Variants in ZC3H12B observed in about 807,000 individuals in gnomAD.
The protein encoded by ZC3H12B is probable ribonuclease ZC3H12B.
A neutral mutation model predicts 43.9 loss-of-function variants in ZC3H12B; 7 were observed. The observed-to-expected ratio is 0.16, with a 90% CI of 0.09 to 0.30. The LOEUF is 0.30. Ranked by LOEUF, ZC3H12B falls within the 10% of genes least tolerant of loss-of-function variation. The probability of loss-of-function intolerance (pLI) is 1.00; values close to 1 mark genes in which losing one functional copy is unlikely to be tolerated. For synonymous variants in ZC3H12B, 222 were observed against 241.7 expected, an observed-to-expected ratio of 0.92 and a Z score of 0.76; for missense variants, 475 against 670.2, an observed-to-expected ratio of 0.71 and a Z score of 3.22.
In ZC3H12B at chrX:65,398,091, A is replaced by T. The variant is rs777235866; in HGVS notation, n.296-502A>T. ...TAACCAAAGAAGTGAATTTTTTTTT[A>T]AATTAAACATGGATGCAAGAAATTA... On this transcript the variant is annotated intron_variant and non_coding_transcript_variant, in intron 2 of 5. Coordinates refer to the ZC3H12B transcript ENST00000617377. Among the ~76,000 whole-genome samples, 257 of 111,857 alleles carry T rather than the reference A, an allele frequency of 2.3e-3. 2 individuals are homozygous for T. The highest frequency in any genetic ancestry group is 7.7e-3 in the African/African-American group (238 of 30,874).
chrX:65,466,849 G>A (rs752786118), intron 3 of ZC3H12B, among the ~76,000 whole-genome samples: 3 of 86,137 alleles, frequency 3.5e-5, no homozygotes, highest in African/African-American at 8.3e-5. Flanking sequence ...TACTTCTTGG[G>A]CATTTGTATT....
chrX:65,383,583 A>G (rs1395356251), intron 2 of ZC3H12B, among the ~76,000 whole-genome samples: 1 of 111,772 alleles, frequency 8.9e-6, no homozygotes, highest in African/African-American at 3.2e-5. Context: ...CAATGGCAAC[A>G]AAAGCCAAAA....
At chrX:65,184,820 C>G in the ZC3H12B span, among the ~76,000 whole-genome samples, 1 of 111,345 alleles carries the variant, frequency 9.0e-6, no homozygotes, top group South Asian at 3.7e-4. Context: ...AACTGTAGCC[C>G]ATCAGCAATA....
At chrX:65,226,512 A>C in the ZC3H12B span, among the ~76,000 whole-genome samples, 2 of 111,782 alleles carry the variant, frequency 1.8e-5, no homozygotes, top group African/African-American at 6.5e-5. Context: ...TAATGACAGT[A>C]TCAAATTCAC....
the ZC3H12B span, among the ~76,000 whole-genome samples, chrX:65,069,048 G>C: frequency 9.1e-6 from 1 of 109,580 alleles, no homozygotes; most frequent in Non-Finnish European, 1.9e-5. Context: ...TGTGATTTTA[G>C]GGATTTTTCT....
At chrX:65,078,119 G>T in the ZC3H12B span, among the ~76,000 whole-genome samples, 5 of 112,029 alleles carry the variant, frequency 4.5e-5, no homozygotes, top group Non-Finnish European at 9.4e-5. Context: ...GTTAGTGGTG[G>T]CAGCATCTAC....
intron 3 of ZC3H12B, among the ~76,000 whole-genome samples, chrX:65,479,449 C>A (rs991537943): frequency 5.6e-5 from 6 of 108,034 alleles, no homozygotes; most frequent in Non-Finnish European, 9.6e-5. Flanking sequence ...CTCACTGTAA[C>A]CTCTGCCTCC....
intron 4 of ZC3H12B, among the ~76,000 whole-genome samples, chrX:65,500,936 G>A (rs1029146009): frequency 9.9e-5 from 11 of 110,716 alleles, no homozygotes; most frequent in African/African-American, 3.6e-4. Flanking sequence ...TAATCTTTAA[G>A]TCACACAGTA....
At chrX:65,197,241 T>C in the ZC3H12B span, among the ~76,000 whole-genome samples, 2 of 111,590 alleles carry the variant, frequency 1.8e-5, no homozygotes, top group East Asian at 5.7e-4. Context: ...AGGCAAAAAA[T>C]GGCACAGGAA....
chrX:65,231,895 G>A, the ZC3H12B span, among the ~76,000 whole-genome samples: 2 of 111,353 alleles, frequency 1.8e-5, no homozygotes, highest in East Asian at 5.6e-4. Flanking sequence ...GGGTCGTAAG[G>A]TGACATACAT....
At chrX:65,261,004 A>G in the ZC3H12B span, among the ~76,000 whole-genome samples, 2 of 112,017 alleles carry the variant, frequency 1.8e-5, no homozygotes, top group African/African-American at 3.2e-5. Flanking sequence ...ATTCAGTAAT[A>G]TTTTCTTTCT....
the ZC3H12B span, among the ~76,000 whole-genome samples, chrX:65,043,833 T>G: frequency 8.9e-6 from 1 of 112,258 alleles, no homozygotes; most frequent in South Asian, 3.6e-4. Flanking sequence ...AATATAAAGT[T>G]GCTACACTTA....
the ZC3H12B span, among the ~76,000 whole-genome samples, chrX:65,249,948 T>A: frequency 4.5e-5 from 5 of 110,317 alleles, no homozygotes; most frequent in Non-Finnish European, 3.8e-5. Context: ...AATTCTTTTT[T>A]TTATTATACC....
At chrX:65,373,369 G>A (rs189243923) in intron 2 of ZC3H12B, among the ~76,000 whole-genome samples, 23 of 111,650 alleles carry the variant, frequency 2.1e-4, no homozygotes. Context: ...AATACCATTT[G>A]ATCCAGCCAT....
the ZC3H12B span, among the ~76,000 whole-genome samples, chrX:65,212,188 T>A: frequency 0.19 from 6,259 of 32,621 alleles, 1,342 homozygotes; most frequent in African/African-American, 0.57. Flanking sequence ...ATATTATATA[T>A]TATATAATAT....
chrX:65,188,204 A>G, the ZC3H12B span, among the ~76,000 whole-genome samples: 2 of 111,138 alleles, frequency 1.8e-5, no homozygotes, highest in Admixed American at 9.7e-5. Flanking sequence ...AAATCTATTC[A>G]TCTGTTGATG....
chrX:65,095,072 A>G, the ZC3H12B span, among the ~76,000 whole-genome samples: 1 of 112,454 alleles, frequency 8.9e-6, no homozygotes, highest in African/African-American at 3.2e-5. Context: ...AATGAAAATT[A>G]CAATTTTGGG....
Position 65,488,740 on chromosome X carries a change from G to A in ZC3H12B, c.-62G>A. ...ACTACAAAAGAATGCCACTGCATGT[G>A]GATTCCAAGCAGGCTAAAAAGAAAA... On this transcript the variant is annotated 5_prime_UTR_variant, in exon 1 of 5. An upstream open reading frame in the 5' UTR gains an earlier in-frame stop. Transcript: ENST00000338957. 9.2e-7 allele frequency: 1 copy of A among 1,091,338 alleles called. No homozygotes were observed. Among genetic ancestry groups the A allele is most frequent in the South Asian group, 2.4e-5 (1 of 42,116 alleles). The allele number at this position is 1,091,338 out of a possible 1,213,427, so 89.9% of individuals were successfully genotyped here.
the ZC3H12B span, among the ~76,000 whole-genome samples, chrX:65,083,604 G>A: frequency 9.0e-6 from 1 of 111,331 alleles, no homozygotes; most frequent in Admixed American, 9.5e-5. Context: ...AAATTGAAGA[G>A]GACACCAAAA....
Sources: allele counts gnomAD v4.1 joint callset (sites outside exome capture counted in the v4.1 genomes callset), GRCh38; gene constraint gnomAD v4.1.1; transcripts MANE v1.5; gene names NCBI Gene and HGNC (gene_info 2026-07-23, HGNC 2026-07-21).